Variants in TNFRSF9 observed in about 807,000 individuals in gnomAD.
TNFRSF9 encodes the protein tumor necrosis factor receptor superfamily member 9.
In TNFRSF9, 16 loss-of-function variants were observed where a neutral mutation model predicts 28.8. The observed-to-expected ratio is 0.55, with a 90% CI of 0.38 to 0.84. The LOEUF (loss-of-function observed/expected upper bound fraction) is 0.84, where lower values mean the gene tolerates loss of function less well. Ranked by LOEUF, TNFRSF9 falls within the 40% of genes least tolerant of loss-of-function variation. The probability of loss-of-function intolerance (pLI) is 0.00; values close to 1 mark genes in which losing one functional copy is unlikely to be tolerated. For synonymous variants in TNFRSF9, 131 were observed against 117.0 expected (o/e 1.12, Z -0.77); for missense variants, 303 against 315.0 (o/e 0.96, Z 0.29).
In TNFRSF9 at chr1:7,935,024, G is replaced by A. The variant is rs1639796145; in HGVS notation, c.533C>T (p.Ala178Val). The A allele has an allele frequency of 5.6e-6, 9 of 1,614,144 alleles. No individual in the cohort carries two copies. The highest frequency in any genetic ancestry group is 4.5e-5 in the East Asian group (2 of 44,874). Residue 178 changes from alanine to valine, a missense_variant, in exon 6 of 8, where the codon GCG becomes GTG. Physicochemically the swap from Ala to Val is moderately conservative, Grantham distance 64. Coordinates refer to ENST00000377507, the MANE Select transcript of TNFRSF9 (RefSeq NM_001561.6). ...CATAGCCCAGTTACCTGGCTCTCTC[G>A]CAGGGGCAGGCGGGGTCACAGAGGA... The part of the protein sequence containing the change: ...GASSVTPPAP[A>V]REPGHSPQII...
chr1:7,921,627 C>T lies in TNFRSF9; in HGVS notation c.680-704G>A, dbSNP rs9658034. On this transcript the variant is annotated intron_variant, in intron 7 of 7. Coordinates refer to ENST00000377507, the MANE Select transcript of TNFRSF9 (RefSeq NM_001561.6). Reference sequence around the variant, plus strand: ...AGGTTGCAGTGAGCTGAGATTGCGCCACTGCACTCCAGCCTGGGTGACAGA... The same window carrying T: ...AGGTTGCAGTGAGCTGAGATTGCGCTACTGCACTCCAGCCTGGGTGACAGA... Among the ~76,000 whole-genome samples the T allele has an allele frequency of 7.0e-3, 1,059 of 152,120 alleles. 12 individuals carry two copies. The highest frequency in any genetic ancestry group is 0.018 in the African/African-American group (732 of 41,486).
At chr1:7,935,240 G>C in intron 5 of TNFRSF9, 97 bp from the exon 6 acceptor site, 1 of 1,388,054 alleles carries the variant, frequency 7.2e-7, no homozygotes. Context: ...AAGTAGCCTA[G>C]TGAAAAAGAT....
At chr1:7,933,876 G>A (rs551136911) in intron 6 of TNFRSF9, among the ~76,000 whole-genome samples, 38 of 151,972 alleles carry the variant, frequency 2.5e-4, no homozygotes, top group African/African-American at 8.4e-4. Flanking sequence ...AATTAGCTGG[G>A]TGCCGTGGTG....
intron 7 of TNFRSF9, among the ~76,000 whole-genome samples, chr1:7,930,371 A>G (rs546646598): frequency 1.3e-5 from 2 of 152,314 alleles, no homozygotes. Context: ...CTTTTAAAAA[A>G]TGGATTACAG....
chr1:7,932,691 GCA>G (rs370622652), intron 7 of TNFRSF9, among the ~76,000 whole-genome samples: 14 of 147,930 alleles, frequency 9.5e-5, no homozygotes, highest in Non-Finnish European at 1.6e-4. Context: ...GCACGCACGC[GCA>G]CACACACACG....
chr1:7,922,897 CT>C (rs397863522), intron 7 of TNFRSF9, among the ~76,000 whole-genome samples: 5 of 132,832 alleles, frequency 3.8e-5, no homozygotes, highest in Non-Finnish European at 4.6e-5. Context: ...CTACAAACTT[CT>C]TTTTTTTTTC....
intron 7 of TNFRSF9, among the ~76,000 whole-genome samples, chr1:7,927,964 C>T (rs1208887645): frequency 1.3e-5 from 2 of 152,068 alleles, no homozygotes; most frequent in Non-Finnish European, 2.9e-5. Context: ...TCTTGAATCT[C>T]AACAGTAAAA....
intron 7 of TNFRSF9, among the ~76,000 whole-genome samples, chr1:7,930,724 G>A (rs1351690496): frequency 6.6e-6 from 1 of 152,070 alleles, no homozygotes; most frequent in Non-Finnish European, 1.5e-5. Context: ...AGCTGTGATC[G>A]CACCATTGCA....
chr1:7,930,035 T>A (rs1639710730), intron 7 of TNFRSF9, among the ~76,000 whole-genome samples: 1 of 140,760 alleles, frequency 7.1e-6, no homozygotes, highest in South Asian at 2.2e-4. Context: ...AATGGCACGA[T>A]CTCAGTTCAC....
intron 7 of TNFRSF9, among the ~76,000 whole-genome samples, chr1:7,921,535 G>T (rs1252740283): frequency 6.6e-6 from 1 of 151,872 alleles, no homozygotes; most frequent in Non-Finnish European, 1.5e-5. Context: ...TGGGCGTGGT[G>T]GTGGGCGCCT....
intron 7 of TNFRSF9, among the ~76,000 whole-genome samples, chr1:7,929,829 G>A (rs1006127730): frequency 1.2e-4 from 19 of 152,120 alleles, no homozygotes; most frequent in African/African-American, 4.6e-4. Context: ...CGCACACTGT[G>A]CCAATGTCAA....
intron 7 of TNFRSF9, among the ~76,000 whole-genome samples, chr1:7,931,937 A>G (rs905982801): frequency 1.3e-5 from 2 of 152,198 alleles, no homozygotes; most frequent in African/African-American, 4.8e-5. Context: ...TGAGGTTGGG[A>G]GTTCAAGACC....
At chr1:7,936,190 C>T (rs1231160760) in intron 5 of TNFRSF9, among the ~76,000 whole-genome samples, 6 of 152,096 alleles carry the variant, frequency 3.9e-5, no homozygotes, top group East Asian at 1.9e-4. Flanking sequence ...CCAAGGCAAG[C>T]GGATCACTTG....
rs1639512382 is a variant in TNFRSF9 at position 7,918,553 on chromosome 1, G to C, written c.*2282C>G. 1 of 152,110 alleles carries C rather than the reference G, an allele frequency of 6.6e-6. No individual in the cohort carries two copies. The highest frequency in any genetic ancestry group is 1.5e-5 in the Non-Finnish European group (1 of 68,070). 9.4% of individuals were successfully genotyped at this position (152,110 alleles called of 1,614,324 possible). A position where few individuals can be genotyped will look rare whatever the true frequency, so the allele number is the denominator to read the frequency against. The stretch of plus-strand genomic sequence containing the variant: ...GGCTAATTTTTGTATTTTTTGTAAA[G>C]ACAGGGTTTCGCCATGTTGCCAAGG... On this transcript the variant is annotated 3_prime_UTR_variant, in exon 8 of 8. Coordinates refer to ENST00000377507, the MANE Select transcript of TNFRSF9 (RefSeq NM_001561.6).
intron 2 of TNFRSF9, 61 bp from the exon 3 acceptor site, chr1:7,938,889 T>A: frequency 8.3e-7 from 1 of 1,205,318 alleles, no homozygotes; most frequent in Non-Finnish European, 1.2e-6. Context: ...CCCAAGGCAT[T>A]CCGAAGTTTA....
At chr1:7,924,764 A>T (rs900831253) in intron 7 of TNFRSF9, among the ~76,000 whole-genome samples, 1 of 152,182 alleles carries the variant, frequency 6.6e-6, no homozygotes, top group African/African-American at 2.4e-5. Context: ...TTTTTGCCCC[A>T]AAGATCTTCC....
chr1:7,935,440 G>T (rs531476379), intron 5 of TNFRSF9, among the ~76,000 whole-genome samples: 1 of 152,194 alleles, frequency 6.6e-6, no homozygotes, highest in Admixed American at 6.5e-5. Flanking sequence ...ATGAAGGCTA[G>T]CATAGGGTTA....
At chr1:7,933,684 G>A (rs543100009) in intron 6 of TNFRSF9, among the ~76,000 whole-genome samples, 29 of 151,826 alleles carry the variant, frequency 1.9e-4, no homozygotes, top group African/African-American at 6.8e-4. Context: ...AACAGAGTGA[G>A]ACTCCATCTC....
chr1:7,934,925 A>G, intron 6 of TNFRSF9, 88 bp downstream of exon 6: 1 of 1,534,438 alleles, frequency 6.5e-7, no homozygotes, highest in South Asian at 1.2e-5. Context: ...GGTGCCTGAT[A>G]TGAGATATCA....
Sources: gnomAD v4.1 joint callset for allele counts (sites outside exome capture counted in the v4.1 genomes callset) on GRCh38, gnomAD v4.1.1 for gene constraint, MANE v1.5 for transcripts, NCBI Gene and HGNC (gene_info 2026-07-23, HGNC 2026-07-21) for gene names.